LIMCH1: variants seen among roughly 807,000 people sequenced by gnomAD.
The protein encoded by LIMCH1 is LIM and calponin homology domains-containing protein 1.
In LIMCH1, 113 loss-of-function variants were observed where a neutral mutation model predicts 176.5. The observed-to-expected ratio is 0.64, with a 90% CI of 0.55 to 0.75. LIMCH1 has a LOEUF of 0.75. LIMCH1 is among the 30% of genes least tolerant of loss of function. LIMCH1 has a pLI of 0.00. For synonymous variants in LIMCH1, 619 were observed against 645.9 expected (o/e 0.96, Z 0.63); for missense variants, 1,674 against 1,814.9 (o/e 0.92, Z 1.41).
At chr4:41,541,220 AGTT>A (rs1357406879) in intron 1 of LIMCH1, among the ~76,000 whole-genome samples, 2 of 152,216 alleles carry the variant, frequency 1.3e-5, no homozygotes, top group African/African-American at 4.8e-5. Context: ...GAACCAAAGC[AGTT>A]GTTGTAATGA....
intron 1 of LIMCH1, among the ~76,000 whole-genome samples, chr4:41,373,750 G>A (rs1440230433): frequency 6.6e-6 from 1 of 152,132 alleles, no homozygotes; most frequent in Non-Finnish European, 1.5e-5. Context: ...CATGCTATGG[G>A]GTGTGATATG....
intron 1 of LIMCH1, among the ~76,000 whole-genome samples, chr4:41,475,929 C>G (rs376302011): frequency 6.6e-6 from 1 of 152,064 alleles, no homozygotes. Context: ...AATCAAGGAC[C>G]TTTTAGAACA....
At chr4:41,612,601 A>G in intron 4 of LIMCH1, 1 of 702,540 alleles carries the variant, frequency 1.4e-6, no homozygotes, top group Non-Finnish European at 2.6e-6. Context: ...TTATAATACG[A>G]GGGTGAGGAT....
chr4:41,644,482 C>A lies in LIMCH1; in HGVS notation c.2127-18C>A, dbSNP rs375697979. 2.0e-6 allele frequency: 3 copies of A among 1,514,970 alleles called. No individual in the cohort carries two copies. In the South Asian group the frequency reaches 3.8e-5, roughly 19 times the overall value. The allele number at this position is 1,514,970 out of a possible 1,614,324, so 93.8% of individuals were successfully genotyped here. A position where few individuals can be genotyped will look rare whatever the true frequency, so the allele number is the denominator to read the frequency against. On this transcript the variant is annotated intron_variant, in intron 14 of 31. Coordinates refer to ENST00000503057, the MANE Select transcript of LIMCH1 (RefSeq NM_001330672.2). The stretch of plus-strand genomic sequence containing the variant: ...CGCTGATCGCGGTCCCTCTTGTGTT[C>A]GCTCTCTCCACACTCAGGAGCACCA...
chr4:41,613,067 A>G, intron 4 of LIMCH1: 1 of 1,552,146 alleles, frequency 6.4e-7, no homozygotes, highest in Non-Finnish European at 8.7e-7. Context: ...CAGGACAGAC[A>G]TGCAGTTATG....
chr4:41,634,446 A>G (rs1378853697), intron 13 of LIMCH1, among the ~76,000 whole-genome samples: 1 of 152,216 alleles, frequency 6.6e-6, no homozygotes, highest in Non-Finnish European at 1.5e-5. Flanking sequence ...TAAGCTCACC[A>G]TAAAATAGGA....
At chr4:41,682,917 T>C (rs1250652022) in intron 26 of LIMCH1, among the ~76,000 whole-genome samples, 3 of 152,174 alleles carry the variant, frequency 2.0e-5, no homozygotes, top group Admixed American at 1.3e-4. Flanking sequence ...CCTCAGGTGA[T>C]CCACCTGCCT....
chr4:41,483,700 T>C (rs988885621), intron 1 of LIMCH1, among the ~76,000 whole-genome samples: 3 of 152,204 alleles, frequency 2.0e-5, no homozygotes, highest in Non-Finnish European at 4.4e-5. Flanking sequence ...TTTGTTCAAA[T>C]AAACCTTTGT....
chr4:41,604,951 G>A (rs966377837), intron 3 of LIMCH1, among the ~76,000 whole-genome samples: 1 of 151,982 alleles, frequency 6.6e-6, no homozygotes, highest in African/African-American at 2.4e-5. Flanking sequence ...GGCCTACCAA[G>A]TAGAAGGAGG....
intron 5 of LIMCH1, among the ~76,000 whole-genome samples, chr4:41,615,785 G>A (rs894693998): frequency 6.6e-5 from 10 of 152,040 alleles, no homozygotes; most frequent in Admixed American, 6.6e-5. Context: ...AATCAATTGG[G>A]GAATATCTTA....
Position 41,629,538 on chromosome 4 carries a change from A to G in LIMCH1, c.1075A>G (p.Met359Val), listed in dbSNP as rs2093186631. 2 of 1,536,116 alleles carry G rather than the reference A, an allele frequency of 1.3e-6. No individual in the cohort carries two copies. Among genetic ancestry groups the G allele is most frequent in the Non-Finnish European group, 1.7e-6 (2 of 1,146,906 alleles). Residue 359 changes from methionine (M) to valine (V), a missense_variant, in exon 9 of 32, where the codon ATG (methionine) becomes GTG (valine). Met to Val is a conservative substitution (Grantham distance 21, BLOSUM62 1). Coordinates refer to ENST00000503057, the MANE Select transcript of LIMCH1 (RefSeq NM_001330672.2). ...EEVKLIVTCN[M>V]RAQESEPVEG... ...GGTGAAGTTGATAGTGACCTGTAAC[A>G]TGAGGGCTCAGGAAAGTGAACCTGT...
At chr4:41,508,555 T>C (rs902238847) in intron 2 of LIMCH1, among the ~76,000 whole-genome samples, 39 of 152,144 alleles carry the variant, frequency 2.6e-4, no homozygotes, top group African/African-American at 8.2e-4. Flanking sequence ...GGTTAAGCTA[T>C]GAGATATGGA....
At chr4:41,423,783 C>T (rs374417742) in intron 1 of LIMCH1, among the ~76,000 whole-genome samples, 132 of 152,146 alleles carry the variant, frequency 8.7e-4, no homozygotes, top group African/African-American at 2.9e-3. Context: ...GTTAAATTTT[C>T]GGTGAAAGTG....
chr4:41,635,784 G>A (rs1000827064), intron 13 of LIMCH1, among the ~76,000 whole-genome samples: 1 of 152,216 alleles, frequency 6.6e-6, no homozygotes, highest in Non-Finnish European at 1.5e-5. Context: ...GCTAGTTCAT[G>A]ATATAGAAAT....
intron 1 of LIMCH1, among the ~76,000 whole-genome samples, chr4:41,460,680 T>C (rs2065251502): frequency 6.6e-6 from 1 of 152,122 alleles, no homozygotes; most frequent in South Asian, 2.1e-4. Context: ...GCTTTAATCA[T>C]GAGTTCCTCT....
At chr4:41,537,730 G>A (rs1583677767), upstream of LIMCH1, among the ~76,000 whole-genome samples, 1 of 152,136 alleles carries the variant, frequency 6.6e-6, no homozygotes, top group South Asian at 2.1e-4. Context: ...TACACAGGAT[G>A]TTTTCAATAA....
At chr4:41,653,166 C>T (rs2094358274) in intron 18 of LIMCH1, among the ~76,000 whole-genome samples, 2 of 152,064 alleles carry the variant, frequency 1.3e-5, no homozygotes, top group Non-Finnish European at 2.9e-5. Flanking sequence ...AAATACTCAT[C>T]ATACTCACAT....
Position 41,666,581 on chromosome 4 carries a change from A to G in LIMCH1, c.3312A>G (p.Pro1104=), listed in dbSNP as rs745485202. ...LSQKVVKPKS[P]EPEATLTFPF... is the part of the protein sequence containing the mutation. ...TCCAGGTGGTAAAGCCAAAATCTCC[A>G]GAACCCGAAGCAACGCTGACATTTC... The change falls in exon 21 of 32, where the codon CCA becomes CCG. Residue 1104 remains proline, a synonymous_variant. Coordinates refer to ENST00000503057, the MANE Select transcript of LIMCH1 (RefSeq NM_001330672.2). 1.4e-5 allele frequency: 23 copies of G among 1,613,924 alleles called. No homozygotes were observed. Among genetic ancestry groups the G allele is most frequent in the Middle Eastern group, 3.3e-4 (2 of 6,058 alleles).
At chr4:41,678,644 G>T (rs1475602128) in intron 23 of LIMCH1, among the ~76,000 whole-genome samples, 1 of 152,158 alleles carries the variant, frequency 6.6e-6, no homozygotes, top group Non-Finnish European at 1.5e-5. Flanking sequence ...TATTGCTCCT[G>T]TGTTTCTAAC....
Sources: allele counts gnomAD v4.1 joint callset (sites outside exome capture counted in the v4.1 genomes callset), GRCh38; gene constraint gnomAD v4.1.1; transcripts MANE v1.5; gene names NCBI Gene and HGNC (gene_info 2026-07-23, HGNC 2026-07-21).